The following FAM151B variants were observed in gnomAD, a reference collection of about 807,000 sequenced individuals.
FAM151B encodes family with sequence similarity 151 member B.
FAM151B carries 24 observed loss-of-function variants against 31.2 expected under a neutral mutation model. The ratio of observed to expected loss-of-function variants is 0.77; its 90% CI spans 0.56 to 1.08. The LOEUF is 1.08. Ranked by LOEUF, FAM151B falls within the 50% of genes least tolerant of loss-of-function variation. The probability of loss-of-function intolerance (pLI) is 0.00; values close to 1 mark genes in which losing one functional copy is unlikely to be tolerated. For missense variants in FAM151B, 293 were observed against 328.6 expected (o/e 0.89, Z 0.84); for synonymous variants, 105 against 111.4 (o/e 0.94, Z 0.36).
chr5:80,517,793 C>A (rs1744526882), intron 3 of FAM151B, among the ~76,000 whole-genome samples: 1 of 152,028 alleles, frequency 6.6e-6, no homozygotes, highest in Admixed American at 6.6e-5. Context: ...GGATATTGGC[C>A]AGGTGCGGTG....
chr5:80,501,843 C>T lies in FAM151B; in HGVS notation c.77C>T (p.Thr26Ile), dbSNP rs372187543. The change falls in exon 2 of 6, where the codon ACA becomes ATA. Residue 26 changes from threonine to isoleucine, a missense_variant. Physicochemically the swap from Thr to Ile is moderately conservative, Grantham distance 89. Transcript: ENST00000282226. ...LEYFLRNSQI[T>I]AEDGAEITWY... is the part of the protein sequence containing the mutation. ...TATTTTCTGAGAAATAGCCAGATTACAGCAGAAGACGGTGCTGAGATCACC... is the reference window on the plus strand; with the variant it reads ...TATTTTCTGAGAAATAGCCAGATTATAGCAGAAGACGGTGCTGAGATCACC... 37 of 1,603,576 alleles carry T rather than the reference C, an allele frequency of 2.3e-5. 1 individual carries two copies. In the African/African-American group the frequency reaches 4.1e-4, roughly 18 times the overall value.
At chr5:80,514,470 C>T (rs1337201011) in intron 3 of FAM151B, among the ~76,000 whole-genome samples, 1 of 135,374 alleles carries the variant, frequency 7.4e-6, no homozygotes, top group East Asian at 2.0e-4. Context: ...AGTGAAACTC[C>T]CTCTCAAATA....
At chr5:80,538,448 C>CTTTCTTTCTCTTTCTT (rs1235874356) in intron 5 of FAM151B, among the ~76,000 whole-genome samples, 5 of 49,354 alleles carry the variant, frequency 1.0e-4, no homozygotes, top group East Asian at 1.3e-3. Context: ...TTCTTTCTTT[C>CTTTCTTTCTCTTTCTT]TCTTTCTTTC....
intron 1 of FAM151B, among the ~76,000 whole-genome samples, chr5:80,496,426 C>A (rs1306840944): frequency 1.3e-5 from 2 of 152,144 alleles, no homozygotes; most frequent in African/African-American, 4.8e-5. Context: ...AACTAATAGG[C>A]TACAGTATAA....
chr5:80,528,177 C>T (rs1050697257), intron 5 of FAM151B, among the ~76,000 whole-genome samples: 2 of 151,998 alleles, frequency 1.3e-5, no homozygotes, highest in African/African-American at 2.4e-5. Flanking sequence ...TATTTGCAAG[C>T]CTCATGGTAG....
intron 2 of FAM151B, among the ~76,000 whole-genome samples, chr5:80,509,944 C>T (rs1000250456): frequency 1.2e-4 from 19 of 152,252 alleles, no homozygotes; most frequent in Admixed American, 1.1e-3. Context: ...CTCAAGCTTC[C>T]AGTAAGAATT....
At chr5:80,518,075 GAAAAAAA>G (rs796173147) in intron 3 of FAM151B, among the ~76,000 whole-genome samples, 3,989 of 72,848 alleles carry the variant, frequency 0.055, 84 homozygotes, top group Middle Eastern at 0.12. Context: ...CCATCTCAAA[GAAAAAAA>G]AAAAAAAAAA....
At chr5:80,518,348 G>A (rs1744558046) in intron 3 of FAM151B, among the ~76,000 whole-genome samples, 2 of 152,102 alleles carry the variant, frequency 1.3e-5, no homozygotes, top group South Asian at 4.1e-4. Context: ...CACCTCATGG[G>A]GACTTGGCTG....
At chr5:80,524,866 A>G (rs1168782734) in intron 5 of FAM151B, among the ~76,000 whole-genome samples, 1 of 152,174 alleles carries the variant, frequency 6.6e-6, no homozygotes, top group African/African-American at 2.4e-5. Context: ...GATTGCATGA[A>G]GACAGCAACC....
intron 5 of FAM151B, among the ~76,000 whole-genome samples, chr5:80,524,259 AGC>A (rs1394080656): frequency 3.3e-5 from 5 of 152,106 alleles, no homozygotes; most frequent in African/African-American, 9.6e-5. Context: ...GAGAGAATTC[AGC>A]CCAGCCTATA....
intron 5 of FAM151B, 32 bp downstream of exon 5, chr5:80,522,170 G>A: frequency 6.3e-7 from 1 of 1,584,126 alleles, no homozygotes; most frequent in Non-Finnish European, 8.6e-7. Context: ...GTGTATGTGA[G>A]TGTGTATGAG....
intron 1 of FAM151B, among the ~76,000 whole-genome samples, chr5:80,497,334 G>A (rs1429716057): frequency 1.3e-5 from 2 of 149,628 alleles, no homozygotes; most frequent in East Asian, 2.0e-4. Flanking sequence ...AGAATTGCTT[G>A]AACACAGGAG....
At chr5:80,494,454 TC>T (rs1252559671) in intron 1 of FAM151B, among the ~76,000 whole-genome samples, 4 of 45,608 alleles carry the variant, frequency 8.8e-5, no homozygotes, top group Non-Finnish European at 1.8e-4. Flanking sequence ...TTTCTTTCTT[TC>T]TTTTCTTTCT....
intron 4 of FAM151B, among the ~76,000 whole-genome samples, chr5:80,520,189 A>G (rs1744639099): frequency 1.3e-5 from 2 of 152,126 alleles, no homozygotes; most frequent in South Asian, 4.1e-4. Context: ...TAAAAATATA[A>G]TTTTCCAGAT....
intron 5 of FAM151B, among the ~76,000 whole-genome samples, chr5:80,526,240 G>A (rs1240873977): frequency 6.6e-6 from 1 of 152,102 alleles, no homozygotes; most frequent in African/African-American, 2.4e-5. Flanking sequence ...TCTAACCTGT[G>A]TTGTTCAAGA....
intron 3 of FAM151B, among the ~76,000 whole-genome samples, chr5:80,516,387 G>A (rs1263228688): frequency 6.6e-6 from 1 of 152,050 alleles, no homozygotes; most frequent in Non-Finnish European, 1.5e-5. Context: ...CAGCGTTTTA[G>A]CTAAGAATTA....
chr5:80,515,523 C>G (rs969112208), intron 3 of FAM151B, among the ~76,000 whole-genome samples: 1 of 152,136 alleles, frequency 6.6e-6, no homozygotes, highest in Non-Finnish European at 1.5e-5. Context: ...TTCATGTTTA[C>G]TATTGCCCCT....
intron 1 of FAM151B, among the ~76,000 whole-genome samples, chr5:80,489,786 G>A (rs568186289): frequency 2.6e-5 from 4 of 152,146 alleles, no homozygotes; most frequent in African/African-American, 7.2e-5. Context: ...TTAGCCGGGC[G>A]TGGTGGCGGC....
chr5:80,528,843 A>C (rs974282764), intron 5 of FAM151B, among the ~76,000 whole-genome samples: 29 of 152,210 alleles, frequency 1.9e-4, no homozygotes, highest in Admixed American at 5.9e-4. Flanking sequence ...CAGAAAGTTA[A>C]CAAGGATATC....
Sources: gnomAD v4.1 joint callset for allele counts (sites outside exome capture counted in the v4.1 genomes callset) on GRCh38, gnomAD v4.1.1 for gene constraint, MANE v1.5 for transcripts, NCBI Gene and HGNC (gene_info 2026-07-23, HGNC 2026-07-21) for gene names.